Variants in ADAM12 observed in about 807,000 individuals in gnomAD.
The protein encoded by ADAM12 is ADAM metallopeptidase domain 12, also known as disintegrin and metalloproteinase domain-containing protein 12.
A neutral mutation model predicts 106.4 loss-of-function variants in ADAM12; 70 were observed. The observed-to-expected ratio is 0.66, with a 90% CI of 0.54 to 0.80. ADAM12 has a LOEUF of 0.80. Ranked by LOEUF, ADAM12 falls within the 30% of genes least tolerant of loss-of-function variation. The pLI is 0.00. For missense variants in ADAM12, 1,010 were observed against 1,171.9 expected (o/e 0.86, Z 2.02); for synonymous variants, 420 against 433.5 (o/e 0.97, Z 0.39).
At chr10:126,171,825 A>G (rs1264064104) in intron 3 of ADAM12, among the ~76,000 whole-genome samples, 2 of 152,244 alleles carry the variant, frequency 1.3e-5, no homozygotes, top group Non-Finnish European at 2.9e-5. Context: ...AGTAGAATTC[A>G]GATGGGATTT....
intron 11 of ADAM12, among the ~76,000 whole-genome samples, chr10:126,082,878 T>C (rs1372649109): frequency 1.3e-5 from 2 of 152,178 alleles, no homozygotes; most frequent in Non-Finnish European, 2.9e-5. Context: ...TGGACATTGC[T>C]TGGACAAGCT....
intron 3 of ADAM12, among the ~76,000 whole-genome samples, chr10:126,157,431 A>C (rs1284581722): frequency 1.3e-5 from 2 of 152,250 alleles, no homozygotes; most frequent in Non-Finnish European, 2.9e-5. Context: ...AGAGATGAGA[A>C]GCACTTCCTT....
At chr10:126,046,170 T>G (rs763059460) in intron 16 of ADAM12, 38 bp from the exon 17 acceptor site, 2 of 1,578,014 alleles carry the variant, frequency 1.3e-6, no homozygotes, top group South Asian at 2.2e-5. Context: ...CTCTTAGTAT[T>G]TCTCCAACCC....
At chr10:126,335,619 A>T (rs1414608289) in intron 1 of ADAM12, among the ~76,000 whole-genome samples, 1 of 152,224 alleles carries the variant, frequency 6.6e-6, no homozygotes, top group Non-Finnish European at 1.5e-5. Flanking sequence ...ATAATGATGT[A>T]GTTCTTTCAT....
chr10:126,267,562 C>G (rs527629471), intron 3 of ADAM12, among the ~76,000 whole-genome samples: 30 of 152,208 alleles, frequency 2.0e-4, no homozygotes, highest in African/African-American at 7.2e-4. Context: ...GCACAGTTCA[C>G]AAGAGGGTTC....
At chr10:126,265,928 T>G (rs574123180) in intron 3 of ADAM12, among the ~76,000 whole-genome samples, 41 of 152,328 alleles carry the variant, frequency 2.7e-4, no homozygotes, top group Admixed American at 2.0e-3. Context: ...ACATGAATAC[T>G]GGCTGGACAT....
chr10:126,330,314 G>C, intron 2 of ADAM12, 98 bp downstream of exon 2: 1 of 1,031,846 alleles, frequency 9.7e-7, no homozygotes, highest in Non-Finnish European at 1.4e-6. Context: ...TAGCATTAAA[G>C]TGAGTAGAGA....
chr10:126,220,282 A>T (rs538426001), intron 3 of ADAM12, among the ~76,000 whole-genome samples: 2 of 152,280 alleles, frequency 1.3e-5, no homozygotes, highest in African/African-American at 4.8e-5. Flanking sequence ...GGTGCCGAGC[A>T]CCACACAGCA....
intron 3 of ADAM12, among the ~76,000 whole-genome samples, chr10:126,236,866 C>T (rs992523821): frequency 1.8e-4 from 27 of 152,142 alleles, no homozygotes; most frequent in African/African-American, 5.1e-4. Flanking sequence ...GGGGCAGGGC[C>T]GCCTCCTGGA....
intron 2 of ADAM12, among the ~76,000 whole-genome samples, chr10:126,327,430 A>G (rs1854344109): frequency 6.6e-6 from 1 of 152,050 alleles, no homozygotes; most frequent in South Asian, 2.1e-4. Context: ...GGCTTACTGG[A>G]CTTGCCATGG....
chr10:126,330,384 C>G, intron 2 of ADAM12, 28 bp downstream of exon 2: 1 of 1,588,884 alleles, frequency 6.3e-7, no homozygotes, highest in Non-Finnish European at 8.6e-7. Flanking sequence ...TCGGCAGTCT[C>G]AAAGCTGAGA....
chr10:126,055,735 C>G (rs1349621493), intron 14 of ADAM12, among the ~76,000 whole-genome samples: 1 of 152,206 alleles, frequency 6.6e-6, no homozygotes, highest in African/African-American at 2.4e-5. Context: ...CCAACATATT[C>G]TCCTGTAATC....
At chr10:126,289,018 C>T (rs944085216) in intron 2 of ADAM12, among the ~76,000 whole-genome samples, 20 of 142,994 alleles carry the variant, frequency 1.4e-4, no homozygotes, top group African/African-American at 5.0e-4. Flanking sequence ...CATGGTGACC[C>T]AGGAATAAGA....
intron 5 of ADAM12, among the ~76,000 whole-genome samples, chr10:126,121,556 T>C (rs1956116801): frequency 6.8e-6 from 1 of 146,030 alleles, no homozygotes; most frequent in African/African-American, 2.5e-5. Flanking sequence ...TCTTATATAA[T>C]AATTAGTTCT....
chr10:126,098,630 C>T (rs1955601625), intron 9 of ADAM12, 130 bp from the exon 10 acceptor site: 1 of 698,346 alleles, frequency 1.4e-6, no homozygotes, highest in Non-Finnish European at 2.4e-6. Flanking sequence ...AGGGTATATT[C>T]ACATGTGATT....
chr10:126,048,239 A>G (rs2133433889), intron 16 of ADAM12, among the ~76,000 whole-genome samples: 1 of 152,322 alleles, frequency 6.6e-6, no homozygotes, highest in East Asian at 1.9e-4. Flanking sequence ...ACAAGCCCCC[A>G]TGACACAAGT....
chr10:126,273,237 G>C (rs1482783284), intron 3 of ADAM12: 2 of 153,372 alleles, frequency 1.3e-5, no homozygotes, highest in Non-Finnish European at 2.9e-5. Flanking sequence ...GGACAGAACA[G>C]GCACAATCAG....
At chr10:126,347,090 G>A (rs576816058) in intron 1 of ADAM12, among the ~76,000 whole-genome samples, 3 of 152,136 alleles carry the variant, frequency 2.0e-5, no homozygotes, top group Admixed American at 6.5e-5. Flanking sequence ...TATTTTGCTC[G>A]TTAGTTGATG....
intron 1 of ADAM12, among the ~76,000 whole-genome samples, chr10:126,331,641 G>A (rs1400814470): frequency 6.6e-6 from 1 of 152,296 alleles, no homozygotes; most frequent in African/African-American, 2.4e-5. Flanking sequence ...TGAGGACCAA[G>A]AGGACAAGGA....
Sources: allele counts gnomAD v4.1 joint callset (sites outside exome capture counted in the v4.1 genomes callset), GRCh38; gene constraint gnomAD v4.1.1; transcripts MANE v1.5; gene names NCBI Gene and HGNC (gene_info 2026-07-23, HGNC 2026-07-21).